The following SLC1A2 variants were observed in gnomAD, a reference collection of about 807,000 sequenced individuals.
The protein encoded by SLC1A2 is excitatory amino acid transporter 2.
Under a neutral mutation model 48.8 loss-of-function variants are expected in SLC1A2, and 15 were observed. The ratio of observed to expected loss-of-function variants is 0.31; its 90% CI spans 0.21 to 0.47. The LOEUF is 0.47. Among genes scored for constraint, SLC1A2 ranks in the 20% least tolerant of loss-of-function variants. The pLI is 0.99. For synonymous variants in SLC1A2, 279 were observed against 272.6 expected, an observed-to-expected ratio of 1.02 and a Z score of -0.23; for missense variants, 502 against 730.5, an observed-to-expected ratio of 0.69 and a Z score of 3.61.
intron 1 of SLC1A2, among the ~76,000 whole-genome samples, chr11:35,392,621 G>C (rs758287745): frequency 3.7e-4 from 57 of 152,298 alleles, no homozygotes; most frequent in Middle Eastern, 3.4e-3. Flanking sequence ...CCCACCCTTT[G>C]GCTGCCTAAA....
At position 35,341,237 on chromosome 11, in the gene SLC1A2, G is replaced by A. The variant is rs1320656182; in HGVS notation, c.18-23721C>T. ...GAGGTCCCAGGCCGGAGAGGTAGAG[G>A]GGAGAAGTGGGGGTAACGAGACTTA... is the stretch of plus-strand genomic sequence containing the variant. On this transcript the variant is annotated intron_variant, in intron 1 of 10. Transcript: ENST00000278379. Among the ~76,000 whole-genome samples the A allele has an allele frequency of 2.0e-5, 3 of 152,102 alleles. No individual in the cohort carries two copies. In the East Asian group the frequency reaches 5.8e-4, roughly 29 times the overall value.
intron 1 of SLC1A2, among the ~76,000 whole-genome samples, chr11:35,357,381 A>T (rs1054200633): frequency 3.9e-5 from 6 of 152,252 alleles, no homozygotes; most frequent in African/African-American, 1.4e-4. Context: ...CTTTGTGCAA[A>T]CAAGTACATT....
intron 8 of SLC1A2, among the ~76,000 whole-genome samples, chr11:35,283,994 C>T (rs998383477): frequency 1.3e-5 from 2 of 150,046 alleles, no homozygotes; most frequent in African/African-American, 2.5e-5. Flanking sequence ...TGTTCTCAGC[C>T]ACCCTAGAAT....
At position 35,286,864 on chromosome 11, in the gene SLC1A2, T is replaced by A. The variant is rs148798506; in HGVS notation, c.1179A>T (p.Gly393=). Residue 393 remains glycine, a synonymous_variant, in exon 8 of 11, where the codon GGA becomes GGT. Transcript: ENST00000278379. The part of the protein sequence containing the change: ...KRVTRFVLPV[G]ATINMDGTAL... ...CTGTACCATCCATGTTAATGGTTGC[T>A]CCAACAGGAAGGACGAATCTAGTCA... 1.3e-5 allele frequency: 21 copies of A among 1,613,928 alleles called. No individual in the cohort carries two copies. The East Asian group carries it at 4.5e-4, about 34-fold the overall frequency.
At chr11:35,291,410 C>T (rs894727168) in intron 7 of SLC1A2, 1 of 151,904 alleles carries the variant, frequency 6.6e-6, no homozygotes, top group African/African-American at 2.4e-5. Flanking sequence ...TATAGGCGCC[C>T]CCCACCGCAC....
rs1950297805 is a variant in SLC1A2 at position 35,255,222 on chromosome 11, G to A, written c.*5672C>T. ...GACAAACAGCAGAGGTGTCCACCAT[G>A]GGCCATTGCAGCAGTGCCAGAAAGT... On this transcript the variant is annotated 3_prime_UTR_variant, in exon 11 of 11. Coordinates refer to ENST00000278379, the MANE Select transcript of SLC1A2 (RefSeq NM_004171.4). 1 of 181,662 alleles carries A rather than the reference G, an allele frequency of 5.5e-6. No individual in the cohort carries two copies. Among genetic ancestry groups the A allele is most frequent in the South Asian group, 1.1e-4 (1 of 9,090 alleles). The allele number at this position is 181,662 out of a possible 1,614,324, so 11.3% of individuals were successfully genotyped here.
At chr11:35,301,878 A>C (rs1565225910) in intron 5 of SLC1A2, among the ~76,000 whole-genome samples, 1 of 152,244 alleles carries the variant, frequency 6.6e-6, no homozygotes, top group African/African-American at 2.4e-5. Flanking sequence ...AAGCAGCATT[A>C]GGTCCTTGAA....
chr11:35,280,571 T>A, intron 9 of SLC1A2: 1 of 349,480 alleles, frequency 2.9e-6, no homozygotes, highest in Non-Finnish European at 5.1e-6. Context: ...ATTCATTCAA[T>A]ATAATGTTCT....
At chr11:35,267,179 GC>G (rs1347531617) in intron 9 of SLC1A2, among the ~76,000 whole-genome samples, 2 of 152,168 alleles carry the variant, frequency 1.3e-5, no homozygotes, top group African/African-American at 4.8e-5. Flanking sequence ...TTGCTAAGAA[GC>G]CCCAGTACGT....
intron 1 of SLC1A2, among the ~76,000 whole-genome samples, chr11:35,405,917 C>A (rs192001539): frequency 3.3e-5 from 5 of 152,310 alleles, no homozygotes; most frequent in Admixed American, 3.3e-4. Context: ...CTGTTGCCTC[C>A]CACACCTGTT....
chr11:35,278,245 G>C (rs1850505966), intron 9 of SLC1A2, among the ~76,000 whole-genome samples: 1 of 150,944 alleles, frequency 6.6e-6, no homozygotes, highest in Admixed American at 6.6e-5. Flanking sequence ...TCTGTTCAGG[G>C]AGCCACTTCT....
intron 1 of SLC1A2, among the ~76,000 whole-genome samples, chr11:35,384,573 G>A (rs1266284110): frequency 6.6e-6 from 1 of 152,164 alleles, no homozygotes; most frequent in Non-Finnish European, 1.5e-5. Context: ...GCAGCTTTAG[G>A]CTCAGTGGAT....
At chr11:35,340,947 T>C (rs988835088) in intron 1 of SLC1A2, among the ~76,000 whole-genome samples, 5 of 152,168 alleles carry the variant, frequency 3.3e-5, no homozygotes, top group South Asian at 2.1e-4. Context: ...TCCTGAGAAA[T>C]TGACAAACAA....
At position 35,406,199 on chromosome 11, in the gene SLC1A2, A is replaced by T. The variant is rs114590825; in HGVS notation, c.17+12751T>A. On this transcript the variant is annotated intron_variant, in intron 1 of 10. Transcript: ENST00000278379. ...CAACTCAAACATCACCTCTTCTGAG[A>T]AGCCTTCCCTCCTTCTCCAGGCTGA... Among the ~76,000 whole-genome samples the T allele has an allele frequency of 8.1e-3, 1,233 of 152,280 alleles. 15 individuals are homozygous for T. Among genetic ancestry groups the T allele is most frequent in the African/African-American group, 0.028 (1,160 of 41,556 alleles).
At chr11:35,403,787 G>A (rs1855200375) in intron 1 of SLC1A2, among the ~76,000 whole-genome samples, 1 of 151,010 alleles carries the variant, frequency 6.6e-6, no homozygotes, top group Non-Finnish European at 1.5e-5. Flanking sequence ...AATATCCTGT[G>A]ATCTTATGAC....
chr11:35,292,194 T>A (rs1851031768), intron 7 of SLC1A2, 93 bp downstream of exon 7: 4 of 881,802 alleles, frequency 4.5e-6, no homozygotes, highest in Admixed American at 4.3e-5. Context: ...GTGTTCTTAT[T>A]GAACTTTGTG....
chr11:35,309,764 G>A (rs1011943134), intron 4 of SLC1A2, among the ~76,000 whole-genome samples: 7 of 152,178 alleles, frequency 4.6e-5, no homozygotes, highest in Non-Finnish European at 8.8e-5. Flanking sequence ...CTTTAAAAGA[G>A]TTTCCTGTCC....
intron 4 of SLC1A2, among the ~76,000 whole-genome samples, chr11:35,309,842 T>C (rs978187605): frequency 6.6e-6 from 1 of 152,012 alleles, no homozygotes; most frequent in South Asian, 2.1e-4. Flanking sequence ...CTGAGGTGGA[T>C]TCTACACCAT....
chr11:35,262,014 T>A (rs990462503), intron 10 of SLC1A2: 2 of 315,146 alleles, frequency 6.3e-6, no homozygotes, highest in African/African-American at 4.3e-5. Context: ...CTGATTAAAC[T>A]TGAAAACTAT....
Sources: allele counts gnomAD v4.1 joint callset (sites outside exome capture counted in the v4.1 genomes callset), GRCh38; gene constraint gnomAD v4.1.1; transcripts MANE v1.5; gene names NCBI Gene and HGNC (gene_info 2026-07-23, HGNC 2026-07-21).